The following ZNF837 variants were observed in gnomAD, a reference collection of about 807,000 sequenced individuals.
ZNF837 encodes the protein zinc finger protein 837.
For missense variants in ZNF837, 955 were observed against 801.7 expected (o/e 1.19, Z -2.31); for synonymous variants, 475 against 365.2 (o/e 1.30, Z -3.43).
At position 58,374,898 on chromosome 19, in the gene ZNF837, A is replaced by T. The variant is rs542012543; in HGVS notation, c.-139-4970T>A. Among the ~76,000 whole-genome samples the T allele has an allele frequency of 1.7e-3, 261 of 150,890 alleles. 1 individual carries two copies. The highest frequency in any genetic ancestry group is 6.3e-3 in the African/African-American group (258 of 40,988). The stretch of plus-strand genomic sequence containing the variant: ...CAGTGAGCCGAGATCGCACCACTGC[A>T]CTCCAGCCTGGGCGACTGAGCAAGA... On this transcript the variant is annotated intron_variant, in intron 1 of 2. Coordinates refer to ENST00000597582, the MANE Select transcript of ZNF837 (RefSeq NM_138466.2).
At chr19:58,373,531 C>T (rs2052218056) in intron 1 of ZNF837, among the ~76,000 whole-genome samples, 1 of 152,234 alleles carries the variant, frequency 6.6e-6, no homozygotes, top group Admixed American at 6.5e-5. Flanking sequence ...CCTTCCCAAA[C>T]ACTTGTGGAT....
chr19:58,370,955 G>T (rs991596594), intron 1 of ZNF837, among the ~76,000 whole-genome samples: 106 of 147,086 alleles, frequency 7.2e-4, no homozygotes, highest in Non-Finnish European at 3.6e-4. Context: ...AGGCCGGGGG[G>T]GGGGAGCCGG....
Position 58,368,352 on chromosome 19 carries a change from C to T in ZNF837, c.981G>A (p.Arg327=). The part of the protein sequence containing the change: ...HQKTHSAERH[R]RGPVLARRAF... The stretch of plus-strand genomic sequence containing the variant: ...CGCGCCGCGCCAGGACGGGGCCACG[C>T]CGGTGGCGCTCGGCCGAGTGCGTCT... The change falls in exon 3 of 3, where the codon CGG becomes CGA. Residue 327 remains arginine (R), a synonymous_variant. Transcript: ENST00000597582. 6.5e-7 allele frequency: 1 copy of T among 1,527,270 alleles called. No individual in the cohort carries two copies. The highest frequency in any genetic ancestry group is 1.4e-5 in the African/African-American group (1 of 71,606). The allele number at this position is 1,527,270 out of a possible 1,614,324, so 94.6% of individuals were successfully genotyped here.
rs1266345950 is a variant in ZNF837 at position 58,368,391 on chromosome 19, C to A, written c.942G>T (p.Leu314=). ...CGKAFVRCSG[L]YRHQKTHSAE... The stretch of plus-strand genomic sequence containing the variant: ...CCGAGTGCGTCTTCTGGTGGCGGTA[C>A]AGGCCGGAGCAGCGCACGAAGGCCT... Residue 314 remains leucine, a synonymous_variant, in exon 3 of 3, where the codon CTG becomes CTT. Coordinates refer to ENST00000597582, the MANE Select transcript of ZNF837 (RefSeq NM_138466.2). The A allele has an allele frequency of 2.0e-6, 3 of 1,538,392 alleles. No individual in the cohort carries two copies. The highest frequency in any genetic ancestry group is 2.6e-6 in the Non-Finnish European group (3 of 1,145,092).
chr19:58,375,457 TG>T (rs2052237417), intron 1 of ZNF837, among the ~76,000 whole-genome samples: 5 of 151,640 alleles, frequency 3.3e-5, no homozygotes, highest in Admixed American at 2.0e-4. Context: ...TGTTTTGTTT[TG>T]TTTTTTTGAG....
At chr19:58,375,937 G>A (rs910568519) in intron 1 of ZNF837, among the ~76,000 whole-genome samples, 3 of 151,154 alleles carry the variant, frequency 2.0e-5, no homozygotes, top group Admixed American at 6.6e-5. Context: ...TTATTTTTTT[G>A]ACACAGAGTC....
rs1449384371 is a variant in ZNF837, at chr19:58,368,372, G to A, written c.961C>T (p.His321Tyr). The change falls in exon 3 of 3, where the codon CAC becomes TAC. Residue 321 changes from histidine (H) to tyrosine (Y), a missense_variant. Coordinates refer to ENST00000597582, the MANE Select transcript of ZNF837 (RefSeq NM_138466.2). ...CCACGCCGGTGGCGCTCGGCCGAGT[G>A]CGTCTTCTGGTGGCGGTACAGGCCG... is the stretch of plus-strand genomic sequence containing the variant. Reference protein sequence around the residue: ...CSGLYRHQKTHSAERHRRGPV... With the variant: ...CSGLYRHQKTYSAERHRRGPV... 1 of 1,534,816 alleles carries A rather than the reference G, an allele frequency of 6.5e-7. No homozygotes were observed.
chr19:58,378,168 C>G (rs2052264604), intron 1 of ZNF837, among the ~76,000 whole-genome samples: 1 of 152,224 alleles, frequency 6.6e-6, no homozygotes, highest in Admixed American at 6.5e-5. Context: ...GGGCAGGGAA[C>G]TCCCCAGCCA....
intron 1 of ZNF837, among the ~76,000 whole-genome samples, chr19:58,371,829 C>G (rs973600038): frequency 1.4e-4 from 21 of 152,122 alleles, no homozygotes; most frequent in African/African-American, 4.6e-4. Context: ...TCAAGCAATT[C>G]TCCTGCCTCA....
At chr19:58,373,896 C>T (rs1302720637) in intron 1 of ZNF837, among the ~76,000 whole-genome samples, 6 of 152,120 alleles carry the variant, frequency 3.9e-5, no homozygotes, top group East Asian at 1.9e-4. Context: ...CTGGAGGGGG[C>T]GGGACAAGAT....
intron 1 of ZNF837, among the ~76,000 whole-genome samples, chr19:58,377,835 A>G (rs957900983): frequency 1.3e-5 from 2 of 152,196 alleles, no homozygotes; most frequent in Non-Finnish European, 2.9e-5. Context: ...CTGTCTGACC[A>G]TGGAGCTCTG....
chr19:58,369,149 C>T lies in ZNF837; in HGVS notation c.184G>A (p.Gly62Ser). ...AGGCTGCAGCCCCGGGAGCCCCCGC[C>T]TGGGGGAGTCGTCCTACCGCCCGCC... is the stretch of plus-strand genomic sequence containing the variant. ...GAAGGRTTPPGGGSRGCSLGV... is the reference protein window; with the variant it reads ...GAAGGRTTPPSGGSRGCSLGV... The change falls in exon 3 of 3, where the codon GGC becomes AGC. Residue 62 changes from glycine (G) to serine (S), a missense_variant. By Grantham distance (56) the Gly-to-Ser change is moderately conservative (BLOSUM62 0). Transcript: ENST00000597582. The T allele has an allele frequency of 1.4e-6, 2 of 1,454,750 alleles. No homozygotes were observed. The highest frequency in any genetic ancestry group is 2.6e-5 in the East Asian group (1 of 38,462). The allele number at this position is 1,454,750 out of a possible 1,614,324, so 90.1% of individuals were successfully genotyped here.
intron 1 of ZNF837, among the ~76,000 whole-genome samples, chr19:58,372,832 T>C (rs957443778): frequency 3.3e-5 from 5 of 151,910 alleles, no homozygotes; most frequent in African/African-American, 1.2e-4. Flanking sequence ...AAATGCAGAG[T>C]TGGACAAGTT....
chr19:58,378,821 G>A (rs1437573415), intron 1 of ZNF837, among the ~76,000 whole-genome samples: 1 of 152,164 alleles, frequency 6.6e-6, no homozygotes, highest in African/African-American at 2.4e-5. Flanking sequence ...GTTCTGACAC[G>A]GAGAAGAGTG....
Position 58,370,696 on chromosome 19 carries a change from G to T in ZNF837, c.-139-768C>A, listed in dbSNP as rs373848141. Among the ~76,000 whole-genome samples the T allele has an allele frequency of 1.4e-3, 207 of 150,604 alleles. 6 individuals carry two copies. The South Asian group carries it at 0.043, about 31-fold the overall frequency. On this transcript the variant is annotated intron_variant, in intron 1 of 2. Transcript: ENST00000597582. ...GGATCACCTGAGGTCAGGAGTTTGA[G>T]ACCAGCCTGACCAACATAGAGAAAC... is the stretch of plus-strand genomic sequence containing the variant.
rs1013141585 is a variant in ZNF837, at chr19:58,367,696, G to A, written c.*41C>T. 8 of 1,461,278 alleles carry A rather than the reference G, an allele frequency of 5.5e-6. No individual in the cohort carries two copies. Among genetic ancestry groups the A allele is most frequent in the Non-Finnish European group, 7.2e-6 (8 of 1,113,214 alleles). 90.5% of individuals were successfully genotyped at this position (1,461,278 alleles called of 1,614,324 possible). ...GGGACAAAGGCCCCTCCTCGACGCA[G>A]GGTTCGCTTGGGCGACGCGTCGACT... On this transcript the variant is annotated 3_prime_UTR_variant, in exon 3 of 3. Coordinates refer to ENST00000597582, the MANE Select transcript of ZNF837 (RefSeq NM_138466.2).
In ZNF837 at chr19:58,368,276, G is replaced by T. The variant is rs995729229; in HGVS notation, c.1057C>A (p.Arg353=). 1.3e-6 allele frequency: 2 copies of T among 1,482,336 alleles called. No homozygotes were observed. Among genetic ancestry groups the T allele is most frequent in the Non-Finnish European group, 8.9e-7 (1 of 1,122,760 alleles). 91.8% of individuals were successfully genotyped at this position (1,482,336 alleles called of 1,614,324 possible). A position where few individuals can be genotyped will look rare whatever the true frequency, so the allele number is the denominator to read the frequency against. The change falls in exon 3 of 3, where the codon CGA becomes AGA. Residue 353 remains arginine, a synonymous_variant. Coordinates refer to ENST00000597582, the MANE Select transcript of ZNF837 (RefSeq NM_138466.2). ...PCGDYSERSP[R]RGSGAGEKPY... ...TTCTCCCCGGCTCCCGACCCCCGTCGGGGACTCCGCTCGCTGTAGTCCCCG... is the reference window on the plus strand; with the variant it reads ...TTCTCCCCGGCTCCCGACCCCCGTCTGGGACTCCGCTCGCTGTAGTCCCCG...
chr19:58,369,016 T>C lies in ZNF837; in HGVS notation c.317A>G (p.Glu106Gly). ...SSQNPELVIP[E>G]GLQAREGPCR... is the part of the protein sequence containing the mutation. ...GGGGCCCTCCCGGGCTTGCAGCCCC[T>C]CGGGGATAACCAGCTCAGGGTTCTG... The change falls in exon 3 of 3, where the codon GAG (glutamate) becomes GGG (glycine). Residue 106 changes from glutamate (E) to glycine (G), a missense_variant. Physicochemically the swap from Glu to Gly is moderately conservative, Grantham distance 98. Transcript: ENST00000597582. 1 of 1,514,678 alleles carries C rather than the reference T, an allele frequency of 6.6e-7. No individual in the cohort carries two copies. The highest frequency in any genetic ancestry group is 1.3e-5 in the South Asian group (1 of 79,012). The allele number at this position is 1,514,678 out of a possible 1,614,324, so 93.8% of individuals were successfully genotyped here.
intron 1 of ZNF837, among the ~76,000 whole-genome samples, chr19:58,370,470 A>G (rs1209335289): frequency 1.3e-5 from 2 of 152,222 alleles, no homozygotes; most frequent in African/African-American, 4.8e-5. Context: ...ACATAGTCAG[A>G]GGTTCTAGGA....
Sources: gnomAD v4.1 joint callset for allele counts (sites outside exome capture counted in the v4.1 genomes callset) on GRCh38, gnomAD v4.1.1 for gene constraint, MANE v1.5 for transcripts, NCBI Gene and HGNC (gene_info 2026-07-23, HGNC 2026-07-21) for gene names.